The following PRDM2 variants were observed in gnomAD, a reference collection of about 807,000 sequenced individuals.
The protein encoded by PRDM2 is PR domain zinc finger protein 2.
In PRDM2, 30 loss-of-function variants were observed where a neutral mutation model predicts 130.0. The observed-to-expected ratio is 0.23, with a 90% CI of 0.17 to 0.31. PRDM2 has a LOEUF of 0.31. PRDM2 is among the 10% of genes least tolerant of loss of function. The pLI is 1.00. For synonymous variants in PRDM2, 871 were observed against 782.4 expected, an observed-to-expected ratio of 1.11 and a Z score of -1.89; for missense variants, 2,011 against 2,108.4, an observed-to-expected ratio of 0.95 and a Z score of 0.90.
intron 2 of PRDM2, among the ~76,000 whole-genome samples, 199 bp from the exon 3 acceptor site, chr1:13,730,801 C>G (rs1337309643): frequency 2.0e-5 from 3 of 152,044 alleles, no homozygotes; most frequent in African/African-American, 7.3e-5. Flanking sequence ...TTGAAGGTTG[C>G]AGTGGTTTCC....
At chr1:13,768,832 G>T (rs1644293365) in intron 6 of PRDM2, among the ~76,000 whole-genome samples, 1 of 152,168 alleles carries the variant, frequency 6.6e-6, no homozygotes, top group Admixed American at 6.5e-5. Context: ...CCATTAAGTG[G>T]CAGGGGCATC....
At chr1:13,762,397 C>G (rs1170580119) in intron 6 of PRDM2, among the ~76,000 whole-genome samples, 1 of 152,246 alleles carries the variant, frequency 6.6e-6, no homozygotes, top group Non-Finnish European at 1.5e-5. Flanking sequence ...AAGAGCCTAG[C>G]CCACTGTCTC....
chr1:13,816,470 C>G lies in PRDM2; in HGVS notation c.5080C>G (p.Pro1694Ala). The G allele has an allele frequency of 6.2e-7, 1 of 1,614,192 alleles. No individual in the cohort carries two copies. The highest frequency in any genetic ancestry group is 1.1e-5 in the South Asian group (1 of 91,088). Reference protein sequence around the residue: ...LASRCSPPAAPYITRQYRKVK... With the variant: ...LASRCSPPAAAYITRQYRKVK... The stretch of plus-strand genomic sequence containing the variant: ...GTCCCGATGCTCTCCACCAGCGGCC[C>G]CGTACATCACCAGGCAGTATAGGAA... The change falls in exon 9 of 10, where the codon CCG becomes GCG. Residue 1694 changes from proline to alanine, a missense_variant. Pro to Ala is a conservative substitution (Grantham distance 27, BLOSUM62 -1). Coordinates refer to ENST00000311066, the MANE Select transcript of PRDM2 (RefSeq NM_001393986.1).
chr1:13,766,304 T>A (rs546892235), intron 6 of PRDM2, among the ~76,000 whole-genome samples: 1 of 152,308 alleles, frequency 6.6e-6, no homozygotes, highest in East Asian at 1.9e-4. Flanking sequence ...AGAGGAAGAC[T>A]CTGCAAAAGG....
Position 13,715,532 on chromosome 1 carries a change from T to C in PRDM2, c.-65-9T>C. The C allele has an allele frequency of 7.4e-7, 1 of 1,355,350 alleles. No individual in the cohort carries two copies. Among genetic ancestry groups the C allele is most frequent in the South Asian group, 1.4e-5 (1 of 69,776 alleles). The allele number at this position is 1,355,350 out of a possible 1,614,324, so 84.0% of individuals were successfully genotyped here. On this transcript the variant is annotated splice_polypyrimidine_tract_variant and intron_variant, in intron 1 of 9. Coordinates refer to ENST00000311066, the MANE Select transcript of PRDM2 (RefSeq NM_001393986.1). ...GGTACATATTACAATTGTCTGTTTT[T>C]CTTTTTAGGGTTCATGTAATCAAAG...
chr1:13,756,740 C>A (rs545453943), intron 6 of PRDM2, among the ~76,000 whole-genome samples: 118 of 152,312 alleles, frequency 7.7e-4, no homozygotes, highest in African/African-American at 2.8e-3. Flanking sequence ...CACATCATGT[C>A]ATTATGCCAT....
At chr1:13,797,560 T>C (rs571015301) in intron 8 of PRDM2, among the ~76,000 whole-genome samples, 3 of 152,260 alleles carry the variant, frequency 2.0e-5, no homozygotes, top group Non-Finnish European at 4.4e-5. Flanking sequence ...TAAAGTGTTG[T>C]TCCGAGTTGT....
chr1:13,818,379 CTTTTTT>C (rs70984285), intron 9 of PRDM2, among the ~76,000 whole-genome samples: 9 of 128,044 alleles, frequency 7.0e-5, no homozygotes, highest in Non-Finnish European at 1.1e-4. Context: ...TCTCTCTTTC[CTTTTTT>C]TTTTTTTTTT....
At chr1:13,763,668 A>G (rs1188393897) in intron 6 of PRDM2, among the ~76,000 whole-genome samples, 4 of 152,228 alleles carry the variant, frequency 2.6e-5, no homozygotes, top group Admixed American at 1.3e-4. Flanking sequence ...GTCTCAACCA[A>G]TAAAAACATT....
At chr1:13,716,426 T>G (rs986637061) in intron 2 of PRDM2, among the ~76,000 whole-genome samples, 3 of 151,890 alleles carry the variant, frequency 2.0e-5, no homozygotes, top group Non-Finnish European at 2.9e-5. Flanking sequence ...AATGTGCACA[T>G]GTACCCTAAA....
At chr1:13,794,355 T>TAA (rs1239102032) in intron 8 of PRDM2, among the ~76,000 whole-genome samples, 3 of 152,206 alleles carry the variant, frequency 2.0e-5, no homozygotes, top group African/African-American at 7.2e-5. Flanking sequence ...CTCATTATGT[T>TAA]TGTTTACTCT....
rs751304742 is a variant in PRDM2 at position 13,741,988 on chromosome 1, T to G, written c.232-17T>G. ...TCCTATTTTAACAAAAGTTTTTTAC[T>G]TTTCTCCATTTTCAAGGTGTATTAC... On this transcript the variant is annotated splice_polypyrimidine_tract_variant and intron_variant, in intron 4 of 9. Transcript: ENST00000311066. 6.6e-7 allele frequency: 1 copy of G among 1,513,772 alleles called. No homozygotes were observed. 93.8% of individuals were successfully genotyped at this position (1,513,772 alleles called of 1,614,324 possible). A position where few individuals can be genotyped will look rare whatever the true frequency, so the allele number is the denominator to read the frequency against.
At chr1:13,708,795 G>A (rs141008778) in intron 1 of PRDM2, among the ~76,000 whole-genome samples, 2,239 of 152,242 alleles carry the variant, frequency 0.015, 25 homozygotes, top group South Asian at 0.036. Flanking sequence ...GGTGAGAGGC[G>A]TGAGTGGTTT....
chr1:13,821,795 A>T (rs370122060), intron 9 of PRDM2, among the ~76,000 whole-genome samples: 3 of 152,122 alleles, frequency 2.0e-5, no homozygotes, highest in Non-Finnish European at 4.4e-5. Context: ...GGATTCACCC[A>T]TGTGCTCAGC....
intron 6 of PRDM2, chr1:13,769,201 C>T (rs1257222452): frequency 1.0e-6 from 1 of 955,376 alleles, no homozygotes; most frequent in Non-Finnish European, 1.2e-6. Context: ...CTTGCCAGGC[C>T]TCCCAGCGGC....
At chr1:13,807,214 C>T (rs1029946665) in intron 8 of PRDM2, among the ~76,000 whole-genome samples, 6 of 152,170 alleles carry the variant, frequency 3.9e-5, no homozygotes, top group African/African-American at 1.2e-4. Flanking sequence ...CACTAAGTGA[C>T]ATGTAAAACT....
At chr1:13,778,394 C>A in intron 7 of PRDM2, 24 bp from the exon 8 acceptor site, 1 of 1,557,956 alleles carries the variant, frequency 6.4e-7, no homozygotes. Context: ...CACTTCCATG[C>A]TTCTGCTTCC....
chr1:13,783,854 A>G (rs181210137), intron 8 of PRDM2, among the ~76,000 whole-genome samples: 1 of 152,228 alleles, frequency 6.6e-6, no homozygotes, highest in Admixed American at 6.5e-5. Context: ...TTCATGCTAT[A>G]GCTTTTGGTG....
At chr1:13,807,634 G>A (rs1645105586) in intron 8 of PRDM2, among the ~76,000 whole-genome samples, 1 of 152,178 alleles carries the variant, frequency 6.6e-6, no homozygotes, top group African/African-American at 2.4e-5. Context: ...GAGTGTTCCA[G>A]GAACAGCCTG....
Sources: gnomAD v4.1 joint callset for allele counts (sites outside exome capture counted in the v4.1 genomes callset) on GRCh38, gnomAD v4.1.1 for gene constraint, MANE v1.5 for transcripts, NCBI Gene and HGNC (gene_info 2026-07-23, HGNC 2026-07-21) for gene names.